The following UGT1A10 variants were observed in gnomAD, a reference collection of about 807,000 sequenced individuals.
UGT1A10 encodes the protein UDP-glucuronosyltransferase 1A10.
A neutral mutation model predicts 45.8 loss-of-function variants in UGT1A10; 49 were observed. The observed-to-expected ratio is 1.07, with a 90% confidence interval of 0.85 to 1.36. The LOEUF is 1.36. Among genes scored for constraint, UGT1A10 ranks in the 40% most tolerant of loss-of-function variants. The pLI is 0.00. For missense variants in UGT1A10, 745 were observed against 668.6 expected, an observed-to-expected ratio of 1.11 and a Z score of -1.26; for synonymous variants, 284 against 249.7, an observed-to-expected ratio of 1.14 and a Z score of -1.29.
intron 1 of UGT1A10, among the ~76,000 whole-genome samples, chr2:233,715,561 C>T (rs1394505306): frequency 6.6e-6 from 1 of 152,008 alleles, no homozygotes; most frequent in Non-Finnish European, 1.5e-5. Flanking sequence ...TGCTTGAGCC[C>T]AGGAGTCTGA....
rs529563376 is a variant in UGT1A10, at chr2:233,636,457, C to T, written c.-66C>T. 19 of 1,544,680 alleles carry T rather than the reference C, an allele frequency of 1.2e-5. No individual in the cohort carries two copies. In the East Asian group the frequency reaches 3.6e-4, roughly 29 times the overall value. ...ATTGGGGTCAGGTTTTGTGCCTGTA[C>T]TTCTTCCGCCTACTGTATCATAGCA... is the stretch of plus-strand genomic sequence containing the variant. On this transcript the variant is annotated 5_prime_UTR_variant, in exon 1 of 5. Coordinates refer to ENST00000344644, the MANE Select transcript of UGT1A10 (RefSeq NM_019075.4).
intron 1 of UGT1A10, among the ~76,000 whole-genome samples, chr2:233,640,989 CAT>C (rs1158391729): frequency 1.3e-5 from 2 of 152,272 alleles, no homozygotes; most frequent in East Asian, 1.9e-4. Context: ...GCAAAAATAA[CAT>C]AATCTTCCTG....
chr2:233,747,487 T>A lies in UGT1A10; in HGVS notation c.856-19547T>A, dbSNP rs547060406. 1.9e-5 allele frequency: 31 copies of A among 1,608,702 alleles called. 1 individual carries two copies. In the South Asian group the frequency reaches 2.7e-4, roughly 14 times the overall value. On this transcript the variant is annotated intron_variant, in intron 1 of 4. Transcript: ENST00000344644. ...TGGACCCAGGATGAATTTGATCGCC[T>A]TGTGCTGGGCCACACTCAACTGTAC...
rs759121994 is a variant in UGT1A10 at position 233,689,908 on chromosome 2, G to A, written c.855+52531G>A. 104 of 456,562 alleles carry A rather than the reference G, an allele frequency of 2.3e-4. 2 individuals are homozygous for A. The highest frequency in any genetic ancestry group is 1.5e-3 in the South Asian group (94 of 64,560). 28.3% of individuals were successfully genotyped at this position (456,562 alleles called of 1,614,324 possible). ...CTTATTTATTTCTCAGGGCCAGGTA[G>A]GTGCCTGGAATTTCCTTCGAAAGAA... is the stretch of plus-strand genomic sequence containing the variant. On this transcript the variant is annotated intron_variant, in intron 1 of 4. Transcript: ENST00000344644.
At chr2:233,705,566 A>C (rs968273952) in intron 1 of UGT1A10, among the ~76,000 whole-genome samples, 1 of 152,172 alleles carries the variant, frequency 6.6e-6, no homozygotes, top group Non-Finnish European at 1.5e-5. Context: ...GCTTGTGGCA[A>C]GGGATAGAAA....
chr2:233,639,086 G>T (rs972188622), intron 1 of UGT1A10, among the ~76,000 whole-genome samples: 28 of 152,046 alleles, frequency 1.8e-4, no homozygotes, highest in African/African-American at 6.3e-4. Context: ...TCACCTAGAG[G>T]CCTTTAAAGA....
chr2:233,682,927 C>T (rs2074607271), intron 1 of UGT1A10: 1 of 1,459,984 alleles, frequency 6.8e-7, no homozygotes, highest in Non-Finnish European at 9.0e-7. Flanking sequence ...TCTTTTGTAC[C>T]AATTCACTTA....
chr2:233,678,559 A>T (rs1002783535), intron 1 of UGT1A10, among the ~76,000 whole-genome samples: 1 of 152,202 alleles, frequency 6.6e-6, no homozygotes, highest in Non-Finnish European at 1.5e-5. Flanking sequence ...GCTTTTATAC[A>T]GTACTAATCC....
At chr2:233,696,969 T>C (rs1331149699) in intron 1 of UGT1A10, among the ~76,000 whole-genome samples, 4 of 152,270 alleles carry the variant, frequency 2.6e-5, no homozygotes, top group Admixed American at 2.6e-4. Flanking sequence ...TATTATTGGA[T>C]TTGGTTTGCT....
intron 1 of UGT1A10, among the ~76,000 whole-genome samples, chr2:233,642,914 C>T (rs1290958302): frequency 6.6e-6 from 1 of 152,316 alleles, no homozygotes; most frequent in Non-Finnish European, 1.5e-5. Flanking sequence ...CTGTCTCTCT[C>T]TCTGTTCTGA....
At chr2:233,692,067 G>A (rs2075076181) in intron 1 of UGT1A10, 1 of 150,926 alleles carries the variant, frequency 6.6e-6, no homozygotes, top group Admixed American at 6.6e-5. Flanking sequence ...GGGAAGAAAG[G>A]AGAGAGAGAT....
intron 1 of UGT1A10, among the ~76,000 whole-genome samples, chr2:233,751,378 C>A (rs1694710024): frequency 2.0e-5 from 3 of 152,054 alleles, no homozygotes; most frequent in Non-Finnish European, 2.9e-5. Context: ...AAGGGACTTG[C>A]CTTGTCTCAG....
intron 1 of UGT1A10, among the ~76,000 whole-genome samples, chr2:233,641,829 C>T (rs529532046): frequency 6.6e-6 from 1 of 151,322 alleles, no homozygotes; most frequent in South Asian, 2.1e-4. Context: ...TATGTCATGC[C>T]ACTCTCTCCT....
At chr2:233,749,455 A>C (rs1355144259) in intron 1 of UGT1A10, among the ~76,000 whole-genome samples, 1 of 151,860 alleles carries the variant, frequency 6.6e-6, no homozygotes, top group East Asian at 1.9e-4. Flanking sequence ...GAGCAGAACG[A>C]ATTGGGAACT....
chr2:233,672,278 A>G, intron 1 of UGT1A10: 2 of 1,613,744 alleles, frequency 1.2e-6, no homozygotes, highest in Non-Finnish European at 8.5e-7. Flanking sequence ...TCATACAATG[A>G]CATTTTTGAC....
At chr2:233,721,606 C>T (rs1043491978) in intron 1 of UGT1A10, 10 of 177,852 alleles carry the variant, frequency 5.6e-5, no homozygotes, top group Middle Eastern at 2.3e-3. Flanking sequence ...GGTTTAGGAA[C>T]AATTTGTTCC....
At chr2:233,682,875 TTACATTTG>T in intron 1 of UGT1A10, 1 of 1,520,762 alleles carries the variant, frequency 6.6e-7, no homozygotes, top group Non-Finnish European at 8.8e-7. Flanking sequence ...AATTTATCAT[TTACATTTG>T]TCCCATTTGG....
At chr2:233,647,059 A>G (rs2073624392) in intron 1 of UGT1A10, among the ~76,000 whole-genome samples, 1 of 152,208 alleles carries the variant, frequency 6.6e-6, no homozygotes, top group African/African-American at 2.4e-5. Context: ...TCCTCCATGG[A>G]TGGCAGCAGG....
At chr2:233,646,350 C>T (rs188242142) in intron 1 of UGT1A10, among the ~76,000 whole-genome samples, 51 of 152,304 alleles carry the variant, frequency 3.3e-4, no homozygotes, top group Admixed American at 1.0e-3. Context: ...GATTAACATT[C>T]GGCTCCTCAT....
Sources: gnomAD v4.1 joint callset for allele counts (sites outside exome capture counted in the v4.1 genomes callset) on GRCh38, gnomAD v4.1.1 for gene constraint, MANE v1.5 for transcripts, NCBI Gene and HGNC (gene_info 2026-07-23, HGNC 2026-07-21) for gene names.